Variants in FBXL7 observed in about 807,000 individuals in gnomAD.
The protein encoded by FBXL7 is F-box and leucine rich repeat protein 7.
Under a neutral mutation model 38.3 loss-of-function variants are expected in FBXL7, and 12 were observed. That is an observed-to-expected ratio of 0.31 (90% CI 0.20 to 0.51). The LOEUF is 0.51. FBXL7 is among the 20% of genes least tolerant of loss of function. The probability of loss-of-function intolerance (pLI) is 0.98; values close to 1 mark genes in which losing one functional copy is unlikely to be tolerated. For missense variants in FBXL7, 567 were observed against 676.4 expected (o/e 0.84, Z 1.79); for synonymous variants, 297 against 300.9 (o/e 0.99, Z 0.13).
intron 1 of FBXL7, among the ~76,000 whole-genome samples, chr5:15,506,159 C>T (rs977388997): frequency 6.6e-6 from 1 of 151,376 alleles, no homozygotes; most frequent in Non-Finnish European, 1.5e-5. Context: ...TAAAGGAAGC[C>T]GTTTATGACT....
At chr5:15,922,226 A>G (rs1034552908) in intron 2 of FBXL7, among the ~76,000 whole-genome samples, 1 of 152,064 alleles carries the variant, frequency 6.6e-6, no homozygotes. Context: ...ATTTTCCACA[A>G]TATAGATGGA....
chr5:15,903,079 C>G (rs911100086), intron 2 of FBXL7, among the ~76,000 whole-genome samples: 3 of 152,198 alleles, frequency 2.0e-5, no homozygotes, highest in African/African-American at 7.2e-5. Context: ...GGTTGAAGGC[C>G]AAGCAAGCCA....
intron 2 of FBXL7, among the ~76,000 whole-genome samples, chr5:15,726,889 CT>C (rs1038442517): frequency 6.0e-5 from 9 of 150,320 alleles, no homozygotes; most frequent in South Asian, 4.2e-4. Context: ...TGCCATATAG[CT>C]TTTTTTTTGT....
At chr5:15,725,076 T>C (rs892494734) in intron 2 of FBXL7, among the ~76,000 whole-genome samples, 1 of 152,238 alleles carries the variant, frequency 6.6e-6, no homozygotes, top group Non-Finnish European at 1.5e-5. Context: ...ATTTACACTT[T>C]CTGTGTCCTC....
At position 15,928,055 on chromosome 5, in the gene FBXL7, A is replaced by T. The variant is rs1249239202; in HGVS notation, c.293A>T (p.His98Leu). 1 of 737,656 alleles carries T rather than the reference A, an allele frequency of 1.4e-6. No individual in the cohort carries two copies. The highest frequency in any genetic ancestry group is 2.7e-5 in the Admixed American group (1 of 37,644). The allele number at this position is 737,656 out of a possible 1,614,324, so 45.7% of individuals were successfully genotyped here. ...TCCCCGCCCCCGACCCGCCTCACACACCCGCTCATCCGGCTCGCCTCCAGA... is the reference window on the plus strand; with the variant it reads ...TCCCCGCCCCCGACCCGCCTCACACTCCCGCTCATCCGGCTCGCCTCCAGA... ...VHSPPPTRLT[H>L]PLIRLASRPQ... The change falls in exon 3 of 4, where the codon CAC becomes CTC. Residue 98 changes from histidine to leucine, a missense_variant. Transcript: ENST00000504595. This position sits in a 1 kb window ranked among gnomAD's most constrained non-coding sequence, Gnocchi z 4.0.
intron 2 of FBXL7, among the ~76,000 whole-genome samples, chr5:15,828,382 T>C (rs1214491957): frequency 1.3e-5 from 2 of 152,242 alleles, no homozygotes; most frequent in Non-Finnish European, 2.9e-5. Context: ...GACACACTTG[T>C]ACTAAGAAAT....
At chr5:15,519,083 C>G (rs1737025724) in intron 1 of FBXL7, among the ~76,000 whole-genome samples, 1 of 152,116 alleles carries the variant, frequency 6.6e-6, no homozygotes. Context: ...GTGGCTCATG[C>G]TGGTAATCCT....
intron 1 of FBXL7, among the ~76,000 whole-genome samples, chr5:15,521,633 C>T (rs534902183): frequency 6.6e-6 from 1 of 152,268 alleles, no homozygotes; most frequent in Non-Finnish European, 1.5e-5. Context: ...GAACACAGAG[C>T]CTACTCCTCT....
intron 2 of FBXL7, among the ~76,000 whole-genome samples, chr5:15,639,002 T>G (rs1741274111): frequency 6.6e-6 from 1 of 152,188 alleles, no homozygotes; most frequent in Admixed American, 6.6e-5. Context: ...CCTGGTCGAA[T>G]TAGAAAATGA....
chr5:15,835,827 A>G (rs1738578677), intron 2 of FBXL7, among the ~76,000 whole-genome samples: 1 of 152,140 alleles, frequency 6.6e-6, no homozygotes, highest in Admixed American at 6.6e-5. Flanking sequence ...TTGTGTTAGG[A>G]CTTTCTGTTA....
intron 1 of FBXL7, among the ~76,000 whole-genome samples, chr5:15,543,250 C>T (rs1737805514): frequency 6.6e-6 from 1 of 152,100 alleles, no homozygotes; most frequent in Admixed American, 6.5e-5. Context: ...AAAGGGGAAG[C>T]AAAGGTACGT....
chr5:15,824,125 G>A (rs1055301038), intron 2 of FBXL7, among the ~76,000 whole-genome samples: 5 of 151,272 alleles, frequency 3.3e-5, no homozygotes, highest in African/African-American at 7.3e-5. Flanking sequence ...GTGAAACCCC[G>A]TCTCTACTAA....
At chr5:15,598,526 G>C (rs1028600164) in intron 1 of FBXL7, among the ~76,000 whole-genome samples, 7 of 152,146 alleles carry the variant, frequency 4.6e-5, no homozygotes, top group Admixed American at 2.6e-4. Context: ...TCACATAACT[G>C]AGAAAGAAGT....
intron 1 of FBXL7, among the ~76,000 whole-genome samples, chr5:15,538,675 C>T (rs918279837): frequency 6.6e-6 from 1 of 152,180 alleles, no homozygotes; most frequent in African/African-American, 2.4e-5. Context: ...TCCTTGTCTC[C>T]TGGCAGAGCC....
chr5:15,862,404 G>A (rs1022009048), intron 2 of FBXL7, among the ~76,000 whole-genome samples: 2 of 152,156 alleles, frequency 1.3e-5, no homozygotes, highest in African/African-American at 2.4e-5. Context: ...GCCCTGTCTC[G>A]GCTATGTCCT....
intron 2 of FBXL7, among the ~76,000 whole-genome samples, chr5:15,871,075 T>C (rs929179174): frequency 7.9e-5 from 12 of 152,212 alleles, no homozygotes; most frequent in Non-Finnish European, 1.3e-4. Context: ...TGCTGGCATC[T>C]GGCAGGTGTC....
chr5:15,758,115 T>C (rs1736346506), intron 2 of FBXL7, among the ~76,000 whole-genome samples: 1 of 152,072 alleles, frequency 6.6e-6, no homozygotes, highest in Admixed American at 6.6e-5. Flanking sequence ...GGGTGTCCCA[T>C]TTTTCCAAAG....
chr5:15,864,010 G>A (rs1255299505), intron 2 of FBXL7, among the ~76,000 whole-genome samples: 1 of 151,950 alleles, frequency 6.6e-6, no homozygotes, highest in Non-Finnish European at 1.5e-5. Context: ...ACTGTGATGT[G>A]CTAAGAATGG....
At chr5:15,583,471 C>T (rs1386836928) in intron 1 of FBXL7, among the ~76,000 whole-genome samples, 2 of 152,180 alleles carry the variant, frequency 1.3e-5, no homozygotes, top group Non-Finnish European at 2.9e-5. Flanking sequence ...CAAATTAGTT[C>T]CTTCCAAGAT....
Sources: allele counts gnomAD v4.1 joint callset (sites outside exome capture counted in the v4.1 genomes callset), GRCh38; gene constraint gnomAD v4.1.1; non-coding constraint Gnocchi (gnomAD v3.1); transcripts MANE v1.5; gene names NCBI Gene and HGNC (gene_info 2026-07-23, HGNC 2026-07-21).